Variants in DPP10 observed in about 807,000 individuals in gnomAD.
DPP10 encodes dipeptidyl peptidase like 10, also known as inactive dipeptidyl peptidase 10.
Under a neutral mutation model 120.9 loss-of-function variants are expected in DPP10, and 33 were observed. The ratio of observed to expected loss-of-function variants is 0.27; its 90% confidence interval spans 0.21 to 0.37. The LOEUF (loss-of-function observed/expected upper bound fraction) is 0.37. Ranked by LOEUF, DPP10 falls within the 10% of genes least tolerant of loss-of-function variation. DPP10 has a pLI of 1.00. For missense variants in DPP10, 816 were observed against 942.8 expected, an observed-to-expected ratio of 0.87 and a Z score of 1.76; for synonymous variants, 337 against 326.1, an observed-to-expected ratio of 1.03 and a Z score of -0.36.
Position 114,532,666 on chromosome 2 carries a change from T to C in DPP10, c.60+89828T>C, listed in dbSNP as rs1393996470. 3.9e-5 allele frequency among the ~76,000 whole-genome samples: 6 copies of C among 152,134 alleles called. No homozygotes were observed. In the East Asian group the frequency reaches 9.7e-4, roughly 24 times the overall value. Reference sequence around the variant, plus strand: ...ACAGTGTAAATGTTTTCAAATAATATGTGGATTAGTTTTGAAATTTGAATA... The same window carrying C: ...ACAGTGTAAATGTTTTCAAATAATACGTGGATTAGTTTTGAAATTTGAATA... On this transcript the variant is annotated intron_variant, in intron 1 of 25. Transcript: ENST00000410059.
chr2:115,447,755 A>G (rs1484172138), intron 3 of DPP10, among the ~76,000 whole-genome samples: 1 of 152,196 alleles, frequency 6.6e-6, no homozygotes, highest in African/African-American at 2.4e-5. Context: ...AGCCATGCAG[A>G]ACTCTGCGTC....
At chr2:115,443,979 A>G (rs2072324363) in intron 3 of DPP10, among the ~76,000 whole-genome samples, 1 of 152,164 alleles carries the variant, frequency 6.6e-6, no homozygotes, top group South Asian at 2.1e-4. Context: ...AGAAATTGCC[A>G]AATATCTCCA....
chr2:115,833,919 C>A (rs1689182659), intron 21 of DPP10, among the ~76,000 whole-genome samples: 1 of 152,046 alleles, frequency 6.6e-6, no homozygotes, highest in Non-Finnish European at 1.5e-5. Flanking sequence ...ATAGCTTACC[C>A]CACCTTCTTA....
intron 1 of DPP10, among the ~76,000 whole-genome samples, chr2:114,594,570 T>C (rs1691749293): frequency 6.8e-6 from 1 of 148,036 alleles, no homozygotes; most frequent in South Asian, 2.1e-4. Flanking sequence ...TGTATACATA[T>C]ATACATATAT....
chr2:115,096,617 C>T (rs2048410051), intron 1 of DPP10, among the ~76,000 whole-genome samples: 1 of 151,924 alleles, frequency 6.6e-6, no homozygotes, highest in Non-Finnish European at 1.5e-5. Flanking sequence ...CCCAATAAAC[C>T]CCTCATAATT....
In DPP10 at chr2:114,689,685, T is replaced by A. The variant is rs576451593; in HGVS notation, c.60+246847T>A. Among the ~76,000 whole-genome samples, 7 of 152,186 alleles carry A rather than the reference T, an allele frequency of 4.6e-5. 1 individual carries two copies. In the East Asian group the frequency reaches 1.2e-3, roughly 25 times the overall value. ...TGTCTTCCACAATGATTGAACTAAT[T>A]TACACTCCCACCAACAGTGTGAAAG... On this transcript the variant is annotated intron_variant, in intron 1 of 25. Transcript: ENST00000410059.
chr2:115,508,450 T>C (rs1490636065), intron 4 of DPP10, among the ~76,000 whole-genome samples: 2 of 152,238 alleles, frequency 1.3e-5, no homozygotes, highest in African/African-American at 4.8e-5. Flanking sequence ...TAATTAGATA[T>C]ATAAACATTT....
At chr2:115,252,106 A>G (rs1387188666) in intron 1 of DPP10, among the ~76,000 whole-genome samples, 1 of 152,232 alleles carries the variant, frequency 6.6e-6, no homozygotes, top group Non-Finnish European at 1.5e-5. Context: ...CTCATAAATT[A>G]TAGGATTAAT....
intron 1 of DPP10, among the ~76,000 whole-genome samples, chr2:115,092,184 G>T (rs1283319922): frequency 6.6e-6 from 1 of 152,160 alleles, no homozygotes; most frequent in African/African-American, 2.4e-5. Context: ...GACTCTCTCT[G>T]TTTGACTCCA....
At chr2:115,342,006 A>T in intron 2 of DPP10, 1 of 356,356 alleles carries the variant, frequency 2.8e-6, no homozygotes, top group Non-Finnish European at 5.5e-6. Context: ...GTTTAGTTTT[A>T]TAAGAAAATG....
intron 11 of DPP10, 27 bp from the exon 12 acceptor site, chr2:115,762,545 T>C (rs1680241407): frequency 1.9e-6 from 3 of 1,613,258 alleles, no homozygotes; most frequent in East Asian, 2.2e-5. Context: ...CTTTAGATGC[T>C]TCATGGAGTT....
chr2:115,603,158 GTGTGTGTGTGTA>G (rs1406320542), intron 5 of DPP10, among the ~76,000 whole-genome samples: 2 of 151,186 alleles, frequency 1.3e-5, no homozygotes, highest in African/African-American at 4.9e-5. Context: ...GTGTGTGTGT[GTGTGTGTGTGTA>G]TAGTCATCTG....
At chr2:114,688,236 C>T (rs1340212526) in intron 1 of DPP10, among the ~76,000 whole-genome samples, 3 of 151,944 alleles carry the variant, frequency 2.0e-5, no homozygotes. Flanking sequence ...TGGAAAGTCA[C>T]AGAGATACAA....
intron 1 of DPP10, among the ~76,000 whole-genome samples, chr2:114,731,796 T>A (rs551272177): frequency 1.3e-5 from 2 of 152,210 alleles, no homozygotes; most frequent in South Asian, 4.1e-4. Flanking sequence ...GGGGACACCA[T>A]GCGCAGCCAA....
intron 1 of DPP10, among the ~76,000 whole-genome samples, chr2:114,513,240 C>T (rs1684298014): frequency 6.6e-6 from 1 of 152,076 alleles, no homozygotes; most frequent in South Asian, 2.1e-4. Context: ...TGGACCTTTA[C>T]AGCTGGGCAC....
chr2:115,782,775 A>G (rs917878273), intron 17 of DPP10, among the ~76,000 whole-genome samples: 14 of 152,224 alleles, frequency 9.2e-5, no homozygotes, highest in Middle Eastern at 3.4e-3. Context: ...TCAGAAAATT[A>G]TGAAAAATGT....
At chr2:115,587,934 AACAATTATT>A (rs1333122998) in intron 5 of DPP10, among the ~76,000 whole-genome samples, 1 of 152,230 alleles carries the variant, frequency 6.6e-6, no homozygotes, top group East Asian at 1.9e-4. Context: ...AGATCCAAGT[AACAATTATT>A]ACAATTATTA....
intron 1 of DPP10, among the ~76,000 whole-genome samples, chr2:115,017,896 T>C (rs1055221488): frequency 2.0e-5 from 3 of 151,836 alleles, no homozygotes; most frequent in African/African-American, 7.3e-5. Flanking sequence ...GAGATATACC[T>C]AATGTAAATG....
At chr2:115,050,703 C>T (rs528899660) in intron 1 of DPP10, among the ~76,000 whole-genome samples, 6 of 152,204 alleles carry the variant, frequency 3.9e-5, no homozygotes, top group East Asian at 3.9e-4. Flanking sequence ...CAGGAAAAAC[C>T]GAAAAAGGCA....
Sources: gnomAD v4.1 joint callset for allele counts (sites outside exome capture counted in the v4.1 genomes callset) on GRCh38, gnomAD v4.1.1 for gene constraint, MANE v1.5 for transcripts, NCBI Gene and HGNC (gene_info 2026-07-23, HGNC 2026-07-21) for gene names.